Variants in HSD17B11 observed in about 807,000 individuals in gnomAD.
HSD17B11 encodes estradiol 17-beta-dehydrogenase 11.
Under a neutral mutation model 27.8 loss-of-function variants are expected in HSD17B11, and 22 were observed. That is an observed-to-expected ratio of 0.79 (90% CI 0.56 to 1.13). HSD17B11 has a LOEUF of 1.13. Ranked by LOEUF, HSD17B11 falls within the 50% of genes most tolerant of loss-of-function variation. HSD17B11 has a pLI of 0.00. For synonymous variants in HSD17B11, 117 were observed against 132.8 expected (o/e 0.88, Z 0.82); for missense variants, 314 against 351.1 (o/e 0.89, Z 0.84).
At position 87,347,121 on chromosome 4, in the gene HSD17B11, T is replaced by C. The variant is rs867993086; in HGVS notation, c.696-6515A>G. ...ATTCTGGATTTTTTTTTTTTCTTTT[T>C]TTTTTTTTTTTTTTTATTATACTCT... On this transcript the variant is annotated intron_variant, in intron 5 of 6. Coordinates refer to ENST00000358290, the MANE Select transcript of HSD17B11 (RefSeq NM_016245.5). 4.6e-4 allele frequency among the ~76,000 whole-genome samples: 35 copies of C among 75,326 alleles called. 1 individual carries two copies. The highest frequency in any genetic ancestry group is 4.4e-3 in the East Asian group (12 of 2,718). The allele number at this position is 75,326 out of a possible 152,430, so 49.4% of individuals were successfully genotyped here.
chr4:87,360,343 G>C (rs2110118857), intron 4 of HSD17B11, among the ~76,000 whole-genome samples: 1 of 152,306 alleles, frequency 6.6e-6, no homozygotes, highest in African/African-American at 2.4e-5. Flanking sequence ...TTCATTAAAA[G>C]TATGCCACGC....
chr4:87,357,983 A>C (rs1246147557), intron 4 of HSD17B11, among the ~76,000 whole-genome samples: 1 of 44,244 alleles, frequency 2.3e-5, no homozygotes, highest in Non-Finnish European at 4.3e-5. Flanking sequence ...TTTTTTTGAG[A>C]CAGAGTCTTG....
chr4:87,360,449 A>G (rs1383393635), intron 4 of HSD17B11, among the ~76,000 whole-genome samples: 2 of 152,242 alleles, frequency 1.3e-5, no homozygotes, highest in Non-Finnish European at 2.9e-5. Context: ...ATTAAAGCAA[A>G]TAGTTGGGAA....
intron 4 of HSD17B11, among the ~76,000 whole-genome samples, chr4:87,361,375 C>T (rs1241988925): frequency 1.3e-5 from 2 of 152,184 alleles, no homozygotes; most frequent in Non-Finnish European, 2.9e-5. Context: ...CCTTGTTTAG[C>T]ATATTATCAA....
intron 2 of HSD17B11, among the ~76,000 whole-genome samples, chr4:87,378,913 T>A (rs1203787785): frequency 7.2e-5 from 1 of 13,858 alleles, no homozygotes; most frequent in Non-Finnish European, 1.1e-4. Flanking sequence ...TAAATATATA[T>A]ATATAAATAT....
chr4:87,377,190 A>G (rs921721252), intron 2 of HSD17B11, among the ~76,000 whole-genome samples: 2 of 152,082 alleles, frequency 1.3e-5, no homozygotes, highest in Non-Finnish European at 2.9e-5. Context: ...AGTGGCTCAC[A>G]CCTGTAATCC....
At chr4:87,378,917 T>TAAATATATATAG (rs1720038590) in intron 2 of HSD17B11, among the ~76,000 whole-genome samples, 1 of 14,014 alleles carries the variant, frequency 7.1e-5, no homozygotes, top group African/African-American at 4.8e-4. Context: ...TATATATATA[T>TAAATATATATAG]AAATATATAT....
intron 4 of HSD17B11, among the ~76,000 whole-genome samples, chr4:87,359,273 TA>T (rs1735460309): frequency 6.6e-6 from 1 of 152,322 alleles, no homozygotes; most frequent in East Asian, 1.9e-4. Flanking sequence ...TATATGAGAT[TA>T]AAAGCTTCTG....
intron 2 of HSD17B11, among the ~76,000 whole-genome samples, chr4:87,375,477 C>T (rs1268163409): frequency 6.6e-6 from 1 of 152,184 alleles, no homozygotes; most frequent in Non-Finnish European, 1.5e-5. Flanking sequence ...TGCGGTGGCT[C>T]ACGCCTGTAA....
chr4:87,341,572 G>A (rs563662644), intron 5 of HSD17B11, among the ~76,000 whole-genome samples: 1 of 152,276 alleles, frequency 6.6e-6, no homozygotes, highest in East Asian at 1.9e-4. Flanking sequence ...TGGGTTTTAG[G>A]CTGGGTGTGA....
chr4:87,374,163 A>T (rs1391807942), intron 3 of HSD17B11, among the ~76,000 whole-genome samples: 1 of 152,132 alleles, frequency 6.6e-6, no homozygotes, highest in Non-Finnish European at 1.5e-5. Context: ...CATCTCTACT[A>T]AAAATACAAA....
chr4:87,390,909 A>G lies in HSD17B11; in HGVS notation c.162T>C (p.Tyr54=). ...GCTTGCTTTTAAGTTTAGCAAATTC[A>G]TAGGCAGTCAGTCTCCCAATTCCAT... ...AGHGIGRLTA[Y]EFAKLKSKLV... The change falls in exon 1 of 7, where the codon TAT becomes TAC. Residue 54 remains tyrosine (Y), a synonymous_variant. Transcript: ENST00000358290. The G allele has an allele frequency of 6.2e-7, 1 of 1,614,204 alleles. No homozygotes were observed. The highest frequency in any genetic ancestry group is 8.5e-7 in the Non-Finnish European group (1 of 1,180,030).
rs187359733 is a variant in HSD17B11, at chr4:87,358,253, G to A, written c.558-837C>T. ...TGGCATTACAGGCGTGAGCCACCAC[G>A]CCCAGCTGAGATTAAATTTTTTAAA... On this transcript the variant is annotated intron_variant, in intron 4 of 6. Coordinates refer to ENST00000358290, the MANE Select transcript of HSD17B11 (RefSeq NM_016245.5). Among the ~76,000 whole-genome samples the A allele has an allele frequency of 3.5e-4, 53 of 152,092 alleles. 1 individual carries two copies. In the East Asian group the frequency reaches 0.01, roughly 29 times the overall value.
intron 1 of HSD17B11, among the ~76,000 whole-genome samples, chr4:87,388,391 C>T (rs1045349652): frequency 5.3e-5 from 8 of 152,224 alleles, no homozygotes; most frequent in African/African-American, 1.9e-4. Flanking sequence ...CTAGGGGCTA[C>T]TACCTACCAC....
At position 87,341,174 on chromosome 4, in the gene HSD17B11, G is replaced by A. The variant is rs143707920; in HGVS notation, c.696-568C>T. ...TTTTTGGTTGTTGTTGTTTTTTTTG[G>A]TTTGTTTGTTTTTTTGAGGCAGGGT... On this transcript the variant is annotated intron_variant, in intron 5 of 6. Transcript: ENST00000358290. Among the ~76,000 whole-genome samples the A allele has an allele frequency of 4.0e-5, 6 of 151,744 alleles. No individual in the cohort carries two copies. The East Asian group carries it at 9.7e-4, about 25-fold the overall frequency.
At chr4:87,378,169 G>A (rs1223601135) in intron 2 of HSD17B11, among the ~76,000 whole-genome samples, 3 of 152,176 alleles carry the variant, frequency 2.0e-5, no homozygotes, top group Admixed American at 6.5e-5. Flanking sequence ...TTATATTTAC[G>A]TTAGTAAAGT....
chr4:87,359,305 A>T (rs919813129), intron 4 of HSD17B11, among the ~76,000 whole-genome samples: 1 of 152,248 alleles, frequency 6.6e-6, no homozygotes, highest in African/African-American at 2.4e-5. Flanking sequence ...AACAACATAA[A>T]TAAAAATCAG....
chr4:87,385,880 A>T (rs1337614501), intron 1 of HSD17B11: 1 of 151,336 alleles, frequency 6.6e-6, no homozygotes, highest in African/African-American at 2.4e-5. Context: ...TTGCCACCGC[A>T]CACCAGTCCG....
intron 6 of HSD17B11, 65 bp downstream of exon 6, chr4:87,340,425 T>TA (rs1735143066): frequency 1.9e-6 from 2 of 1,028,480 alleles, no homozygotes; most frequent in African/African-American, 1.6e-5. Flanking sequence ...TAAATGTCAG[T>TA]AAAAAATGCA....
Sources: gnomAD v4.1 joint callset for allele counts (sites outside exome capture counted in the v4.1 genomes callset) on GRCh38, gnomAD v4.1.1 for gene constraint, MANE v1.5 for transcripts, NCBI Gene and HGNC (gene_info 2026-07-23, HGNC 2026-07-21) for gene names.